NRXN3: variants seen among roughly 807,000 people sequenced by gnomAD.
NRXN3 encodes neurexin 3.
In NRXN3, 32 loss-of-function variants were observed where a neutral mutation model predicts 137.6. That is an observed-to-expected ratio of 0.23 (90% confidence interval 0.18 to 0.31). The LOEUF is 0.31. Ranked by LOEUF, NRXN3 falls within the 10% of genes least tolerant of loss-of-function variation. The probability of loss-of-function intolerance (pLI) is 1.00; values close to 1 mark genes in which losing one functional copy is unlikely to be tolerated. For missense variants in NRXN3, 1,574 were observed against 2,062.5 expected (o/e 0.76, Z 4.59); for synonymous variants, 798 against 784.5 (o/e 1.02, Z -0.29).
intron 1 of NRXN3, among the ~76,000 whole-genome samples, chr14:78,215,785 G>A (rs1366102073): frequency 2.0e-5 from 3 of 149,394 alleles, no homozygotes; most frequent in Non-Finnish European, 4.4e-5. Context: ...GGGGGCAGGG[G>A]TTAGTTTGTG....
At chr14:78,324,114 T>A (rs532419154) in intron 4 of NRXN3, among the ~76,000 whole-genome samples, 21 of 152,158 alleles carry the variant, frequency 1.4e-4, no homozygotes, top group African/African-American at 4.8e-4. Flanking sequence ...GAGCTGGGAT[T>A]GGAACCCAGG....
intron 16 of NRXN3, among the ~76,000 whole-genome samples, chr14:79,487,075 T>A (rs1350127751): frequency 6.6e-6 from 1 of 151,974 alleles, no homozygotes; most frequent in African/African-American, 2.4e-5. Context: ...ATCCTGATCC[T>A]ATCACTGAAT....
At chr14:79,830,456 T>C (rs1006645322) in intron 20 of NRXN3, among the ~76,000 whole-genome samples, 4 of 152,128 alleles carry the variant, frequency 2.6e-5, no homozygotes, top group Admixed American at 2.0e-4. Flanking sequence ...TCTTGTGTGA[T>C]AGAGGAACCA....
chr14:79,526,305 C>T (rs1203560229), intron 16 of NRXN3, among the ~76,000 whole-genome samples: 1 of 152,118 alleles, frequency 6.6e-6, no homozygotes, highest in Non-Finnish European at 1.5e-5. Context: ...CCTTGGCCTC[C>T]CAAAGTGCTG....
chr14:79,822,302 A>G (rs1258760572), intron 20 of NRXN3, among the ~76,000 whole-genome samples: 1 of 152,184 alleles, frequency 6.6e-6, no homozygotes, highest in Non-Finnish European at 1.5e-5. Context: ...AGTGACCCAT[A>G]GTGAAATGAG....
At chr14:78,477,680 G>A (rs2095403691) in intron 4 of NRXN3, among the ~76,000 whole-genome samples, 3 of 152,092 alleles carry the variant, frequency 2.0e-5, no homozygotes, top group African/African-American at 7.2e-5. Context: ...TGAATTTCAA[G>A]ATTTGGTTTC....
chr14:78,463,162 C>A (rs963181282), intron 4 of NRXN3, among the ~76,000 whole-genome samples: 3 of 152,016 alleles, frequency 2.0e-5, no homozygotes, highest in Admixed American at 2.0e-4. Context: ...ATCTATATTG[C>A]TGTAAAAGAC....
At position 79,827,601 on chromosome 14, in the gene NRXN3, G is replaced by A. The variant is rs182876873; in HGVS notation, c.4093+22411G>A. On this transcript the variant is annotated intron_variant, in intron 20 of 20. Transcript: ENST00000335750. ...ATGGTGCTAGCATCTGGGGAGCCTC[G>A]GGGAAACTACAATCATGGCAAAAGG... Among the ~76,000 whole-genome samples, 124 of 152,088 alleles carry A rather than the reference G, an allele frequency of 8.2e-4. No individual in the cohort carries two copies. In the East Asian group the frequency reaches 0.017, roughly 21 times the overall value.
chr14:78,863,980 A>G (rs966813466), intron 10 of NRXN3, among the ~76,000 whole-genome samples: 2 of 152,178 alleles, frequency 1.3e-5, no homozygotes, highest in Non-Finnish European at 2.9e-5. Flanking sequence ...TAGTAAAAGT[A>G]TAAACAACTC....
At chr14:78,384,720 A>G (rs1567433883) in intron 4 of NRXN3, among the ~76,000 whole-genome samples, 1 of 152,112 alleles carries the variant, frequency 6.6e-6, no homozygotes, top group Non-Finnish European at 1.5e-5. Context: ...CTTGGAAGCT[A>G]CTGGGGTACG....
intron 10 of NRXN3, among the ~76,000 whole-genome samples, chr14:78,941,858 G>A (rs1454160701): frequency 3.9e-5 from 6 of 152,134 alleles, no homozygotes; most frequent in Non-Finnish European, 5.9e-5. Context: ...TGGGATTGTC[G>A]AGTTAGCCCT....
chr14:79,474,221 A>G (rs1337301536), intron 16 of NRXN3, among the ~76,000 whole-genome samples: 1 of 152,190 alleles, frequency 6.6e-6, no homozygotes, highest in Non-Finnish European at 1.5e-5. Context: ...AAATGGGCAT[A>G]AAATATTATG....
At chr14:79,105,792 C>T (rs4243661) in intron 15 of NRXN3, among the ~76,000 whole-genome samples, 150,887 of 152,258 alleles carry the variant, frequency 0.99, 74,788 homozygotes, top group Middle Eastern at 1. Context: ...GTCAAAGGTA[C>T]TGGGCCTGGG....
At chr14:79,325,023 A>G (rs1466211967) in intron 15 of NRXN3, among the ~76,000 whole-genome samples, 1 of 152,222 alleles carries the variant, frequency 6.6e-6, no homozygotes, top group Admixed American at 6.5e-5. Flanking sequence ...TCATGAACAC[A>G]TAAGGTCTGT....
chr14:78,698,861 A>G (rs1333682406), intron 6 of NRXN3, among the ~76,000 whole-genome samples: 3 of 152,068 alleles, frequency 2.0e-5, no homozygotes, highest in African/African-American at 7.3e-5. Flanking sequence ...ACCATTTGTA[A>G]TACTTTAGCT....
intron 4 of NRXN3, among the ~76,000 whole-genome samples, chr14:78,602,250 T>C (rs1330687598): frequency 2.0e-5 from 3 of 150,326 alleles, no homozygotes; most frequent in African/African-American, 4.9e-5. Context: ...CTGGTTTGGT[T>C]TGCATTTCAC....
intron 17 of NRXN3, among the ~76,000 whole-genome samples, chr14:79,669,581 T>C (rs1055662987): frequency 1.3e-5 from 2 of 152,136 alleles, no homozygotes; most frequent in Admixed American, 1.3e-4. Flanking sequence ...ATGTTTTCAA[T>C]AGGCACTTAT....
At chr14:78,638,415 T>C (rs1033513995) in intron 4 of NRXN3, among the ~76,000 whole-genome samples, 1 of 152,188 alleles carries the variant, frequency 6.6e-6, no homozygotes, top group Non-Finnish European at 1.5e-5. Flanking sequence ...GCTTGATCTC[T>C]CTTAATGCTT....
In NRXN3 at chr14:78,243,064, G is replaced by A; in HGVS notation, c.-30G>A. 6 of 1,458,666 alleles carry A rather than the reference G, an allele frequency of 4.1e-6. No individual in the cohort carries two copies. The highest frequency in any genetic ancestry group is 5.4e-6 in the Non-Finnish European group (6 of 1,101,490). 90.4% of individuals were successfully genotyped at this position (1,458,666 alleles called of 1,614,324 possible). On this transcript the variant is annotated 5_prime_UTR_variant, in exon 2 of 21. Transcript: ENST00000335750. The surrounding 1 kb of genome is among the most constrained non-coding windows in gnomAD (Gnocchi z 4.2). ...CTCCGGGCTGTTCCCTGGCCTGTCT[G>A]CTCCTCCGGGCTCTGTCCCAGCAGC... is the stretch of plus-strand genomic sequence containing the variant.
Sources: gnomAD v4.1 joint callset for allele counts (sites outside exome capture counted in the v4.1 genomes callset) on GRCh38, gnomAD v4.1.1 for gene constraint, Gnocchi (gnomAD v3.1) non-coding constraint, MANE v1.5 for transcripts, NCBI Gene and HGNC (gene_info 2026-07-23, HGNC 2026-07-21) for gene names.